The following ST8SIA5 variants were observed in gnomAD, a reference collection of about 807,000 sequenced individuals.
ST8SIA5 encodes the protein ST8 alpha-N-acetyl-neuraminide alpha-2,8-sialyltransferase 5.
In ST8SIA5, 24 loss-of-function variants were observed where a neutral mutation model predicts 40.2. The ratio of observed to expected loss-of-function variants is 0.60; its 90% CI spans 0.43 to 0.84. The LOEUF is 0.84. Among genes scored for constraint, ST8SIA5 ranks in the 40% least tolerant of loss-of-function variants. The probability of loss-of-function intolerance (pLI) is 0.00; values close to 1 mark genes in which losing one functional copy is unlikely to be tolerated. For missense variants in ST8SIA5, 465 were observed against 498.5 expected (o/e 0.93, Z 0.64); for synonymous variants, 198 against 201.8 (o/e 0.98, Z 0.16).
intron 1 of ST8SIA5, among the ~76,000 whole-genome samples, chr18:46,744,264 A>T (rs2040116638): frequency 6.6e-6 from 1 of 152,224 alleles, no homozygotes; most frequent in African/African-American, 2.4e-5. Context: ...AAAGATATAG[A>T]CTGGCAATTT....
chr18:46,681,924 A>G (rs368480483), intron 6 of ST8SIA5, 48 bp downstream of exon 6: 18 of 1,591,538 alleles, frequency 1.1e-5, no homozygotes, highest in Non-Finnish European at 1.5e-5. Flanking sequence ...GCATGTGACT[A>G]TTGGCTACCA....
intron 2 of ST8SIA5, among the ~76,000 whole-genome samples, chr18:46,704,212 C>A (rs773879517): frequency 5.3e-5 from 8 of 152,142 alleles, no homozygotes; most frequent in Non-Finnish European, 1.0e-4. Context: ...CTTAACCCTG[C>A]GGTGCAACAT....
intron 1 of ST8SIA5, 38 bp from the exon 2 acceptor site, chr18:46,704,702 G>GCCCTGGACATCCTGACCTGC: frequency 6.4e-7 from 1 of 1,566,612 alleles, no homozygotes; most frequent in Non-Finnish European, 8.8e-7. Context: ...AGAGAAGCAG[G>GCCCTGGACATCCTGACCTGC]TCAGGATGTC....
intron 1 of ST8SIA5, among the ~76,000 whole-genome samples, chr18:46,732,897 T>TGC (rs34511584): frequency 0.88 from 132,892 of 151,844 alleles, 58,299 homozygotes; most frequent in East Asian, 1. Context: ...TCGGGAGGGC[T>TGC]GGTGGAAGTG....
intron 2 of ST8SIA5, among the ~76,000 whole-genome samples, chr18:46,698,583 G>A (rs1427410703): frequency 6.6e-6 from 1 of 152,112 alleles, no homozygotes; most frequent in African/African-American, 2.4e-5. Context: ...CAACAATCAG[G>A]TAAAAGGGAA....
intron 1 of ST8SIA5, among the ~76,000 whole-genome samples, chr18:46,716,129 TAGATAGA>T: frequency 6.7e-6 from 1 of 150,292 alleles, no homozygotes; most frequent in East Asian, 2.0e-4. Context: ...GATAGATAGA[TAGATAGA>T]TATAGTGCTC....
chr18:46,717,860 C>T (rs1197812663), intron 1 of ST8SIA5, among the ~76,000 whole-genome samples: 1 of 151,802 alleles, frequency 6.6e-6, no homozygotes, highest in Non-Finnish European at 1.5e-5. Flanking sequence ...ACACAATTCA[C>T]ATTTATTGAG....
chr18:46,754,121 T>C (rs2040219851), intron 1 of ST8SIA5, among the ~76,000 whole-genome samples: 1 of 152,144 alleles, frequency 6.6e-6, no homozygotes, highest in Non-Finnish European at 1.5e-5. Context: ...AAGCAGGTGC[T>C]AGGGGTGACA....
intron 1 of ST8SIA5, among the ~76,000 whole-genome samples, chr18:46,737,636 C>T (rs1317778949): frequency 6.6e-6 from 1 of 152,130 alleles, no homozygotes; most frequent in East Asian, 1.9e-4. Context: ...TGTTACTTCC[C>T]CTCTCTGCAA....
chr18:46,693,929 C>T (rs2039531306), intron 2 of ST8SIA5, among the ~76,000 whole-genome samples: 1 of 152,234 alleles, frequency 6.6e-6, no homozygotes, highest in African/African-American at 2.4e-5. Flanking sequence ...TTCCGCATTT[C>T]AGTTAAGAAA....
rs192820481 is a variant in ST8SIA5, at chr18:46,722,772, G to A, written c.132-18108C>T. Among the ~76,000 whole-genome samples, 62 of 152,286 alleles carry A rather than the reference G, an allele frequency of 4.1e-4. No homozygotes were observed. In the East Asian group the frequency reaches 0.012, roughly 28 times the overall value. On this transcript the variant is annotated intron_variant, in intron 1 of 6. Coordinates refer to ENST00000315087, the MANE Select transcript of ST8SIA5 (RefSeq NM_013305.6). ...TCCAGACATTGCCAATGTCTACTGGGGGCAAAATTGCCCCAGTTGAGAATC... is the reference window on the plus strand; with the variant it reads ...TCCAGACATTGCCAATGTCTACTGGAGGCAAAATTGCCCCAGTTGAGAATC...
intron 1 of ST8SIA5, among the ~76,000 whole-genome samples, chr18:46,734,044 C>G (rs972080300): frequency 6.6e-6 from 1 of 152,078 alleles, no homozygotes; most frequent in Non-Finnish European, 1.5e-5. Flanking sequence ...TCCACCATCC[C>G]CAGGTCCAGG....
In ST8SIA5 at chr18:46,680,104, A is replaced by G. The variant is rs781553691; in HGVS notation, c.1069T>C (p.Phe357Leu). The change falls in exon 7 of 7, where the codon TTC becomes CTC. Residue 357 changes from phenylalanine (F) to leucine (L), a missense_variant. Physicochemically the swap from Phe to Leu is conservative, Grantham distance 22. Transcript: ENST00000315087. ...FHAMPSEIFNFLHLHSRGILR... is the reference protein window; with the variant it reads ...FHAMPSEIFNLLHLHSRGILR... ...ATGCCTCGGCTGTGCAAGTGCAGGA[A>G]GTTGAAGATCTCAGAGGGCATGGCG... 6.2e-7 allele frequency: 1 copy of G among 1,614,178 alleles called. No individual in the cohort carries two copies. Among genetic ancestry groups the G allele is most frequent in the Non-Finnish European group, 8.5e-7 (1 of 1,180,034 alleles).
intron 3 of ST8SIA5, 56 bp downstream of exon 3, chr18:46,692,113 G>C (rs2039511681): frequency 1.3e-6 from 2 of 1,562,292 alleles, no homozygotes; most frequent in Non-Finnish European, 8.8e-7. Flanking sequence ...GACCAGAAGA[G>C]GTGGCAGTGA....
intron 2 of ST8SIA5, among the ~76,000 whole-genome samples, chr18:46,703,195 G>C (rs2039635276): frequency 2.6e-5 from 4 of 152,146 alleles, no homozygotes; most frequent in Admixed American, 2.6e-4. Context: ...ACCCAGGCTG[G>C]AGTGCAGTGA....
At chr18:46,707,578 G>A (rs1339823170) in intron 1 of ST8SIA5, among the ~76,000 whole-genome samples, 1 of 152,128 alleles carries the variant, frequency 6.6e-6, no homozygotes, top group Non-Finnish European at 1.5e-5. Flanking sequence ...CGTGGTTTTG[G>A]TGGTGCTTAG....
intron 3 of ST8SIA5, among the ~76,000 whole-genome samples, chr18:46,691,274 G>A (rs972095508): frequency 6.6e-6 from 1 of 152,178 alleles, no homozygotes; most frequent in African/African-American, 2.4e-5. Context: ...TTCTAAAAAT[G>A]TGCCTCTTAA....
At chr18:46,746,743 A>C (rs2144567769) in intron 1 of ST8SIA5, among the ~76,000 whole-genome samples, 1 of 148,424 alleles carries the variant, frequency 6.7e-6, no homozygotes, top group Non-Finnish European at 1.5e-5. Flanking sequence ...GGAACCAAAA[A>C]AGAGCCCACA....
chr18:46,738,707 T>A (rs988334654), intron 1 of ST8SIA5, among the ~76,000 whole-genome samples: 11 of 151,986 alleles, frequency 7.2e-5, no homozygotes, highest in Non-Finnish European at 1.6e-4. Context: ...GGATAGATCC[T>A]CCAGTCCCTG....
Sources: gnomAD v4.1 joint callset for allele counts (sites outside exome capture counted in the v4.1 genomes callset) on GRCh38, gnomAD v4.1.1 for gene constraint, MANE v1.5 for transcripts, NCBI Gene and HGNC (gene_info 2026-07-23, HGNC 2026-07-21) for gene names.